RGS7: variants seen among roughly 807,000 people sequenced by gnomAD.
RGS7 encodes the protein regulator of G protein signaling 7.
A neutral mutation model predicts 81.1 loss-of-function variants in RGS7; 27 were observed. The ratio of observed to expected loss-of-function variants is 0.33; its 90% CI spans 0.25 to 0.46. RGS7 has a LOEUF of 0.46. RGS7 is among the 20% of genes least tolerant of loss of function. The pLI is 1.00. For synonymous variants in RGS7, 208 were observed against 207.7 expected (o/e 1.00, Z -0.01); for missense variants, 396 against 607.4 (o/e 0.65, Z 3.66).
In RGS7 at chr1:241,152,140, C is replaced by CAAAAAAAA. The variant is rs112950850; in HGVS notation, c.79-53386_79-53379dup. On this transcript the variant is annotated intron_variant, in intron 2 of 18. Transcript: ENST00000440928. ...CCAATAATTCCAGCTCATTAGCAGCCAAAAAAAAAAAAAAAGATCTTTGGG... is the reference window on the plus strand; with the variant it reads ...CCAATAATTCCAGCTCATTAGCAGCCAAAAAAAAAAAAAAAAAAAAAAAGATCTTTGGG... 2.3e-3 allele frequency among the ~76,000 whole-genome samples: 254 copies of CAAAAAAAA among 108,418 alleles called. 2 individuals are homozygous for CAAAAAAAA. The East Asian group carries it at 0.04, about 17-fold the overall frequency. The allele number at this position is 108,418 out of a possible 152,430, so 71.1% of individuals were successfully genotyped here. A position where few individuals can be genotyped will look rare whatever the true frequency, so the allele number is the denominator to read the frequency against.
intron 3 of RGS7, among the ~76,000 whole-genome samples, chr1:241,034,738 G>C (rs761920666): frequency 1.3e-5 from 2 of 152,198 alleles, no homozygotes; most frequent in African/African-American, 2.4e-5. Flanking sequence ...AAGAGGTTCT[G>C]ATGGCTATTC....
chr1:240,829,113 A>G (rs1035066081), intron 9 of RGS7, among the ~76,000 whole-genome samples: 4 of 152,216 alleles, frequency 2.6e-5, no homozygotes, highest in Non-Finnish European at 5.9e-5. Flanking sequence ...CCATAATATT[A>G]TAATAGATAA....
intron 18 of RGS7, among the ~76,000 whole-genome samples, chr1:240,800,074 T>C (rs952323821): frequency 6.6e-6 from 1 of 152,206 alleles, no homozygotes; most frequent in African/African-American, 2.4e-5. Context: ...GCATTACGTT[T>C]GAAAAGGATT....
intron 4 of RGS7, among the ~76,000 whole-genome samples, chr1:240,976,369 C>A (rs1440057924): frequency 9.9e-5 from 15 of 152,174 alleles, no homozygotes; most frequent in Non-Finnish European, 1.5e-5. Context: ...GGATGCTATG[C>A]TTCTTAATGG....
rs1386874483 is a variant in RGS7, at chr1:240,916,892, C to T, written c.385+13825G>A. ...TAGTAAAGGAATCCACCAAGCCACACAACAAGGAAACTCAAACAACACCAA... is the reference window on the plus strand; with the variant it reads ...TAGTAAAGGAATCCACCAAGCCACATAACAAGGAAACTCAAACAACACCAA... On this transcript the variant is annotated intron_variant, in intron 6 of 18. Transcript: ENST00000440928. Among the ~76,000 whole-genome samples, 3 of 152,254 alleles carry T rather than the reference C, an allele frequency of 2.0e-5. No homozygotes were observed. The East Asian group carries it at 5.8e-4, about 29-fold the overall frequency.
intron 2 of RGS7, among the ~76,000 whole-genome samples, chr1:241,224,245 C>A (rs1340899188): frequency 2.9e-5 from 4 of 138,610 alleles, no homozygotes; most frequent in Non-Finnish European, 6.2e-5. Flanking sequence ...TCCCACCTCC[C>A]AGCCCCCCAC....
chr1:240,830,860 T>C (rs2147818709), intron 9 of RGS7, among the ~76,000 whole-genome samples: 1 of 152,204 alleles, frequency 6.6e-6, no homozygotes, highest in South Asian at 2.1e-4. Flanking sequence ...AAGATTCCCC[T>C]CCCCAGAGGA....
chr1:241,069,976 T>G (rs1004858699), intron 3 of RGS7, among the ~76,000 whole-genome samples: 6 of 152,184 alleles, frequency 3.9e-5, no homozygotes, highest in African/African-American at 1.4e-4. Flanking sequence ...AAAATTGGGT[T>G]TCAGATACTG....
At position 240,868,129 on chromosome 1, in the gene RGS7, A is replaced by AAGAAAAG. The variant is rs1438498485; in HGVS notation, c.609+457_609+458insCTTTTCT. On this transcript the variant is annotated intron_variant, in intron 9 of 18. Coordinates refer to ENST00000440928, the MANE Select transcript of RGS7 (RefSeq NM_001364886.1). The surrounding 1 kb of genome is among the most constrained non-coding windows in gnomAD (Gnocchi z 5.1). ...AAAGAAAAGAAAAGGAAAGAAAGAA[A>AAGAAAAG]GAAAGAAAGAAAGAAAGAAAGAAAG... 8.6e-6 allele frequency among the ~76,000 whole-genome samples: 1 copy of AAGAAAAG among 116,342 alleles called. No individual in the cohort carries two copies. Among genetic ancestry groups the AAGAAAAG allele is most frequent in the Non-Finnish European group, 1.6e-5 (1 of 60,702 alleles). The allele number at this position is 116,342 out of a possible 152,430, so 76.3% of individuals were successfully genotyped here.
chr1:241,030,371 T>C (rs920221327), intron 3 of RGS7, among the ~76,000 whole-genome samples: 4 of 125,950 alleles, frequency 3.2e-5, no homozygotes, highest in African/African-American at 1.0e-4. Context: ...CATATATATA[T>C]ATACATACAC....
intron 2 of RGS7, among the ~76,000 whole-genome samples, chr1:241,155,735 A>C (rs1423404741): frequency 6.6e-6 from 1 of 152,170 alleles, no homozygotes; most frequent in Admixed American, 6.5e-5. Context: ...GAAAAAAAAA[A>C]TATGGAAAAC....
intron 3 of RGS7, among the ~76,000 whole-genome samples, chr1:241,012,614 C>A (rs994158630): frequency 6.6e-6 from 1 of 152,154 alleles, no homozygotes; most frequent in Non-Finnish European, 1.5e-5. Flanking sequence ...AATATGTCAC[C>A]CAAATATACT....
At chr1:241,206,454 A>C (rs1453000205) in intron 2 of RGS7, among the ~76,000 whole-genome samples, 1 of 151,644 alleles carries the variant, frequency 6.6e-6, no homozygotes, top group Non-Finnish European at 1.5e-5. Flanking sequence ...CAATCTCTTG[A>C]CCTCGTGATC....
At chr1:241,101,776 T>G (rs764771613) in intron 2 of RGS7, among the ~76,000 whole-genome samples, 4 of 152,228 alleles carry the variant, frequency 2.6e-5, no homozygotes, top group Admixed American at 6.5e-5. Context: ...TTGTATTATC[T>G]GCTTAACGGT....
At chr1:240,968,167 A>G (rs2148498384) in intron 4 of RGS7, among the ~76,000 whole-genome samples, 1 of 152,280 alleles carries the variant, frequency 6.6e-6, no homozygotes, top group Non-Finnish European at 1.5e-5. Context: ...CTATCCACAC[A>G]TACCCGTGTT....
chr1:241,187,599 T>C (rs2072246129), intron 2 of RGS7, among the ~76,000 whole-genome samples: 1 of 152,210 alleles, frequency 6.6e-6, no homozygotes, highest in Non-Finnish European at 1.5e-5. Flanking sequence ...AAAGCTCTAA[T>C]ATGCAGTACA....
intron 2 of RGS7, among the ~76,000 whole-genome samples, chr1:241,254,158 C>T (rs549891552): frequency 1.1e-4 from 16 of 149,308 alleles, no homozygotes; most frequent in Middle Eastern, 6.8e-3. Context: ...CAAGATGGCG[C>T]CACTGCACCC....
chr1:241,052,120 C>G (rs1468527299), intron 3 of RGS7, among the ~76,000 whole-genome samples: 1 of 152,072 alleles, frequency 6.6e-6, no homozygotes, highest in Non-Finnish European at 1.5e-5. Context: ...TTTCCAAGAG[C>G]CTAACATGTA....
At chr1:240,854,557 C>T (rs139010502) in intron 9 of RGS7, among the ~76,000 whole-genome samples, 95 of 152,312 alleles carry the variant, frequency 6.2e-4, no homozygotes, top group African/African-American at 2.2e-3. Context: ...CGCTACGCCT[C>T]GTCTGGACTT....
Sources: allele counts gnomAD v4.1 joint callset (sites outside exome capture counted in the v4.1 genomes callset), GRCh38; gene constraint gnomAD v4.1.1; non-coding constraint Gnocchi (gnomAD v3.1); transcripts MANE v1.5; gene names NCBI Gene and HGNC (gene_info 2026-07-23, HGNC 2026-07-21).